DAPK2: variants seen among roughly 807,000 people sequenced by gnomAD.
DAPK2 encodes the protein death associated protein kinase 2.
In DAPK2, 35 loss-of-function variants were observed where a neutral mutation model predicts 44.1. The observed-to-expected ratio is 0.79, with a 90% CI of 0.61 to 1.05. The LOEUF is 1.05. Among genes scored for constraint, DAPK2 ranks in the 50% least tolerant of loss-of-function variants. The pLI is 0.00. For missense variants in DAPK2, 453 were observed against 483.2 expected (o/e 0.94, Z 0.59); for synonymous variants, 174 against 182.6 (o/e 0.95, Z 0.38).
chr15:64,008,720 T>C (rs17789180), intron 1 of DAPK2, among the ~76,000 whole-genome samples: 15,063 of 152,306 alleles, frequency 0.099, 1,054 homozygotes, highest in South Asian at 0.32. Flanking sequence ...AGAACACAGA[T>C]GCAAAAGTGC....
rs556992431 is a variant in DAPK2 at position 63,947,157 on chromosome 15, C to G, written c.454-7796G>C. Among the ~76,000 whole-genome samples the G allele has an allele frequency of 9.8e-5, 15 of 152,286 alleles. 1 individual carries two copies. The highest frequency in any genetic ancestry group is 5.9e-4 in the Admixed American group (9 of 15,296). On this transcript the variant is annotated intron_variant, in intron 3 of 10. Coordinates refer to ENST00000261891, the Ensembl canonical transcript of DAPK2. ...CTGCAGTTCACTCTGCTGGAACAGC[C>G]TTCCTGACAAGCTCCTTCTCCCCCT...
intron 3 of DAPK2, among the ~76,000 whole-genome samples, chr15:63,950,425 C>A (rs2077556500): frequency 6.6e-6 from 1 of 151,732 alleles, no homozygotes; most frequent in Non-Finnish European, 1.5e-5. Context: ...ACTCTGTTAC[C>A]CAGGCTGGTC....
At chr15:63,995,251 A>G (rs2078923243) in intron 1 of DAPK2, among the ~76,000 whole-genome samples, 1 of 151,992 alleles carries the variant, frequency 6.6e-6, no homozygotes, top group South Asian at 2.1e-4. Flanking sequence ...GCACAATCAT[A>G]GCTCATTGCA....
chr15:63,967,443 T>C (rs368505189), intron 3 of DAPK2, among the ~76,000 whole-genome samples: 10 of 152,202 alleles, frequency 6.6e-5, no homozygotes, highest in African/African-American at 2.4e-4. Flanking sequence ...CCCAGCACTT[T>C]GGGAGACCAA....
At chr15:63,927,362 C>T (rs1001556489) in intron 6 of DAPK2, among the ~76,000 whole-genome samples, 2 of 152,172 alleles carry the variant, frequency 1.3e-5, no homozygotes, top group African/African-American at 2.4e-5. Flanking sequence ...ATGCCATTTC[C>T]TCAGCCAGCA....
At chr15:63,935,104 T>C (rs1485735025) in intron 4 of DAPK2, among the ~76,000 whole-genome samples, 2 of 151,268 alleles carry the variant, frequency 1.3e-5, no homozygotes, top group African/African-American at 2.4e-5. Flanking sequence ...TTTTTTTTTT[T>C]TCCTGATACA....
chr15:63,993,560 T>C (rs2078871839), intron 1 of DAPK2, among the ~76,000 whole-genome samples: 1 of 152,016 alleles, frequency 6.6e-6, no homozygotes, highest in Non-Finnish European at 1.5e-5. Context: ...GGTCTCTGTT[T>C]CTCAAAATGT....
At chr15:63,922,802 C>A in intron 8 of DAPK2, 2 of 1,535,884 alleles carry the variant, frequency 1.3e-6, no homozygotes, top group Non-Finnish European at 1.7e-6. Context: ...CAGGGATTCA[C>A]TGGTGTCCTG....
chr15:63,955,952 T>C (rs2077710718), intron 3 of DAPK2, among the ~76,000 whole-genome samples: 1 of 152,234 alleles, frequency 6.6e-6, no homozygotes, highest in Non-Finnish European at 1.5e-5. Context: ...GAAAACTTCA[T>C]ATTACAGCTT....
chr15:63,976,459 C>T (rs972704949), intron 2 of DAPK2, among the ~76,000 whole-genome samples: 21 of 152,216 alleles, frequency 1.4e-4, no homozygotes, highest in African/African-American at 5.1e-4. Flanking sequence ...TGGCTCACAC[C>T]TGTAATCTCA....
At chr15:63,999,458 A>C (rs1373113719) in intron 1 of DAPK2, among the ~76,000 whole-genome samples, 4 of 152,182 alleles carry the variant, frequency 2.6e-5, no homozygotes, top group Admixed American at 2.0e-4. Flanking sequence ...CAGCTTGCCC[A>C]AGGTCACAAA....
At chr15:64,044,941 T>C (rs2080426107), upstream of DAPK2, among the ~76,000 whole-genome samples, 1 of 152,144 alleles carries the variant, frequency 6.6e-6, no homozygotes, top group Non-Finnish European at 1.5e-5. Context: ...GGGATGGGGC[T>C]CCGGCATTAC....
At chr15:63,985,840 T>G (rs898051481) in intron 1 of DAPK2, among the ~76,000 whole-genome samples, 3 of 152,222 alleles carry the variant, frequency 2.0e-5, no homozygotes, top group Admixed American at 1.3e-4. Context: ...CTATATCACA[T>G]GCCTGAAAAA....
At position 63,917,430 on chromosome 15, in the gene DAPK2, G is replaced by A. The variant is rs138229588; in HGVS notation, c.859-5233C>T. On this transcript the variant is annotated intron_variant, in intron 8 of 10. Transcript: ENST00000261891. The surrounding 1 kb of genome is among the most constrained non-coding windows in gnomAD (Gnocchi z 4.4). ...GAGATTTATGCTGGAGAACTTATGA[G>A]TTAAATAAGTCTGAAATTTGCTTTA... The A allele has an allele frequency of 1.3e-3, 199 of 152,042 alleles. 1 individual carries two copies. The highest frequency in any genetic ancestry group is 4.1e-3 in the African/African-American group (169 of 41,504). The allele number at this position is 152,042 out of a possible 1,614,324, so 9.4% of individuals were successfully genotyped here. A position where few individuals can be genotyped will look rare whatever the true frequency, so the allele number is the denominator to read the frequency against.
At chr15:64,023,109 G>C (rs1053101574) in intron 1 of DAPK2, among the ~76,000 whole-genome samples, 2 of 152,180 alleles carry the variant, frequency 1.3e-5, no homozygotes, top group East Asian at 3.9e-4. Context: ...GGTTTACAGA[G>C]TCTCTTCTCT....
At chr15:63,978,123 A>G (rs773182352) in intron 2 of DAPK2, among the ~76,000 whole-genome samples, 5 of 152,220 alleles carry the variant, frequency 3.3e-5, no homozygotes, top group Non-Finnish European at 7.3e-5. Flanking sequence ...AAGAAATAAA[A>G]CATTAAAAAT....
chr15:63,934,081 C>T (rs2077058567), intron 4 of DAPK2, among the ~76,000 whole-genome samples: 1 of 151,144 alleles, frequency 6.6e-6, no homozygotes, highest in African/African-American at 2.4e-5. Context: ...ATTGTTTTTC[C>T]CCAACTTCTT....
At chr15:63,984,229 A>T (rs996597555) in intron 1 of DAPK2, among the ~76,000 whole-genome samples, 3 of 152,136 alleles carry the variant, frequency 2.0e-5, no homozygotes, top group African/African-American at 7.2e-5. Context: ...ATAAACAGAG[A>T]GTTGTACAAT....
chr15:63,932,690 A>T (rs913577328), intron 4 of DAPK2: 5 of 152,150 alleles, frequency 3.3e-5, no homozygotes, highest in African/African-American at 7.2e-5. Flanking sequence ...GAGTTTATCT[A>T]AAACAATATC....
Sources: gnomAD v4.1 joint callset for allele counts (sites outside exome capture counted in the v4.1 genomes callset) on GRCh38, gnomAD v4.1.1 for gene constraint, Gnocchi (gnomAD v3.1) non-coding constraint, MANE v1.5 for transcripts, NCBI Gene and HGNC (gene_info 2026-07-23, HGNC 2026-07-21) for gene names.